TENM3: variants seen among roughly 807,000 people sequenced by gnomAD.
The protein encoded by TENM3 is teneurin transmembrane protein 3.
TENM3 carries 63 observed loss-of-function variants against 255.1 expected under a neutral mutation model. The ratio of observed to expected loss-of-function variants is 0.25; its 90% CI spans 0.20 to 0.30. The LOEUF (loss-of-function observed/expected upper bound fraction) is 0.30, where lower values mean the gene tolerates loss of function less well. Ranked by LOEUF, TENM3 falls within the 10% of genes least tolerant of loss-of-function variation. The pLI is 1.00. For missense variants in TENM3, 2,929 were observed against 3,461.1 expected, an observed-to-expected ratio of 0.85 and a Z score of 3.86; for synonymous variants, 1,306 against 1,322.3, an observed-to-expected ratio of 0.99 and a Z score of 0.27.
the TENM3 span, among the ~76,000 whole-genome samples, chr4:181,451,377 A>G: frequency 6.6e-6 from 1 of 152,210 alleles, no homozygotes. Flanking sequence ...TGCAGACACC[A>G]TTAAAGAAAT....
chr4:181,745,408 A>G, the TENM3 span, among the ~76,000 whole-genome samples: 1 of 152,180 alleles, frequency 6.6e-6, no homozygotes, highest in Non-Finnish European at 1.5e-5. Flanking sequence ...TGTAGACGGA[A>G]GAAGGGAGAA....
At chr4:182,029,971 C>T in the TENM3 span, among the ~76,000 whole-genome samples, 3 of 140,334 alleles carry the variant, frequency 2.1e-5, no homozygotes, top group Admixed American at 6.9e-5. Flanking sequence ...ATTTTTTGGC[C>T]GAAAGCACCT....
At chr4:181,888,281 T>G in the TENM3 span, among the ~76,000 whole-genome samples, 2 of 151,444 alleles carry the variant, frequency 1.3e-5, no homozygotes, top group Non-Finnish European at 1.5e-5. Context: ...TCCACCCGCT[T>G]CGGCCTCCCA....
chr4:182,508,597 T>C (rs947845233), intron 3 of TENM3, among the ~76,000 whole-genome samples: 1 of 152,248 alleles, frequency 6.6e-6, no homozygotes, highest in Non-Finnish European at 1.5e-5. Flanking sequence ...ATGGGGTCCC[T>C]TTCTTCTGAT....
At position 182,271,992 on chromosome 4, in the gene TENM3, T is replaced by C. The variant is rs567035581; in HGVS notation, c.-76+28516T>C. On this transcript the variant is annotated intron_variant, in intron 1 of 27. Transcript: ENST00000511685. ...AGTCCTCGTGACCGTTCGGCCAGTT[T>C]AAGCTGATTAGATGTGGTTTGTCTC... Among the ~76,000 whole-genome samples the C allele has an allele frequency of 3.5e-4, 53 of 152,322 alleles. 1 individual carries two copies. In the South Asian group the frequency reaches 0.011, roughly 30 times the overall value.
chr4:182,629,861 C>G, intron 5 of TENM3, among the ~76,000 whole-genome samples: 1 of 152,192 alleles, frequency 6.6e-6, no homozygotes, highest in East Asian at 1.9e-4. Flanking sequence ...TAATTATGCA[C>G]TTTGGAAAGT....
the TENM3 span, among the ~76,000 whole-genome samples, chr4:182,101,532 A>C: frequency 6.6e-6 from 1 of 152,100 alleles, no homozygotes; most frequent in East Asian, 1.9e-4. Context: ...GGACTGCATG[A>C]CTTCACTTTA....
chr4:182,217,132 T>C (rs1755539802), intron 1 of TENM3, among the ~76,000 whole-genome samples: 1 of 145,838 alleles, frequency 6.9e-6, no homozygotes, highest in Non-Finnish European at 1.5e-5. Flanking sequence ...GCCATTCTCC[T>C]GCCTCAGCCT....
the TENM3 span, among the ~76,000 whole-genome samples, chr4:182,067,019 C>T: frequency 1.3e-5 from 2 of 152,148 alleles, no homozygotes; most frequent in Admixed American, 6.5e-5. Flanking sequence ...TCTGCCAGGA[C>T]CTACTGTGGA....
chr4:182,186,565 G>A (rs13353621), intron 1 of TENM3, among the ~76,000 whole-genome samples: 1,832 of 150,482 alleles, frequency 0.012, 35 homozygotes, highest in African/African-American at 0.043. Flanking sequence ...GTTATTTACC[G>A]GAAAGTAATG....
chr4:181,506,488 T>C, the TENM3 span, among the ~76,000 whole-genome samples: 1 of 152,014 alleles, frequency 6.6e-6, no homozygotes, highest in African/African-American at 2.4e-5. Flanking sequence ...AAATATCATC[T>C]AAAGAATGCC....
chr4:181,638,055 A>T, the TENM3 span, among the ~76,000 whole-genome samples: 1 of 152,186 alleles, frequency 6.6e-6, no homozygotes, highest in African/African-American at 2.4e-5. Flanking sequence ...TACAGGACAC[A>T]CTTGCCCTTG....
intron 1 of TENM3, among the ~76,000 whole-genome samples, chr4:182,230,746 G>A (rs1756501841): frequency 7.0e-6 from 1 of 142,768 alleles, no homozygotes; most frequent in Non-Finnish European, 1.5e-5. Context: ...TCTGGAGTTT[G>A]TATTCTTTTA....
rs116685841 is a variant in TENM3, at chr4:182,776,411, C to G, written c.5304+1258C>G. ...TAGGAGACAAAGCAAGATTCTGTCT[C>G]GAAACAAGAAAAGAAAAGGCATGGT... is the stretch of plus-strand genomic sequence containing the variant. On this transcript the variant is annotated intron_variant, in intron 24 of 27. Transcript: ENST00000511685. Among the ~76,000 whole-genome samples the G allele has an allele frequency of 7.8e-3, 1,189 of 152,156 alleles. 23 individuals carry two copies. The highest frequency in any genetic ancestry group is 0.027 in the African/African-American group (1,137 of 41,504).
the TENM3 span, among the ~76,000 whole-genome samples, chr4:181,478,015 G>A: frequency 5.9e-5 from 9 of 152,064 alleles, no homozygotes; most frequent in Non-Finnish European, 1.0e-4. Flanking sequence ...AAATGAATTG[G>A]ATTATATGAA....
chr4:182,497,696 T>G (rs1163248290), intron 3 of TENM3, among the ~76,000 whole-genome samples: 1 of 151,994 alleles, frequency 6.6e-6, no homozygotes, highest in East Asian at 1.9e-4. Flanking sequence ...TCCGATACAA[T>G]TAGATACAGT....
chr4:182,029,410 G>T, the TENM3 span, among the ~76,000 whole-genome samples: 3 of 152,128 alleles, frequency 2.0e-5, no homozygotes, highest in Admixed American at 1.3e-4. Flanking sequence ...TGGAACATCT[G>T]TCAATGCTGA....
At chr4:181,542,618 A>G in the TENM3 span, among the ~76,000 whole-genome samples, 2 of 152,208 alleles carry the variant, frequency 1.3e-5, no homozygotes, top group African/African-American at 2.4e-5. Flanking sequence ...TGGATGAGGT[A>G]TGTTATAGAA....
intron 3 of TENM3, among the ~76,000 whole-genome samples, chr4:182,532,136 G>A (rs1379999211): frequency 6.6e-6 from 1 of 152,174 alleles, no homozygotes; most frequent in Non-Finnish European, 1.5e-5. Context: ...CATTTGGATA[G>A]CTAGTAAGCT....
Sources: gnomAD v4.1 joint callset for allele counts (sites outside exome capture counted in the v4.1 genomes callset) on GRCh38, gnomAD v4.1.1 for gene constraint, MANE v1.5 for transcripts, NCBI Gene and HGNC (gene_info 2026-07-23, HGNC 2026-07-21) for gene names.